Variants in KCNJ6 observed in about 807,000 individuals in gnomAD.
KCNJ6 encodes G protein-activated inward rectifier potassium channel 2.
KCNJ6 carries 9 observed loss-of-function variants against 34.2 expected under a neutral mutation model. That is an observed-to-expected ratio of 0.26 (90% CI 0.16 to 0.46). The LOEUF is 0.46. Among genes scored for constraint, KCNJ6 ranks in the 20% least tolerant of loss-of-function variants. The pLI is 1.00. For missense variants in KCNJ6, 236 were observed against 531.3 expected (o/e 0.44, Z 5.46); for synonymous variants, 196 against 207.1 (o/e 0.95, Z 0.46).
chr21:37,688,781 G>C lies in KCNJ6; in HGVS notation c.946+25430C>G, dbSNP rs762293195. On this transcript the variant is annotated intron_variant, in intron 3 of 3. Coordinates refer to ENST00000609713, the MANE Select transcript of KCNJ6 (RefSeq NM_002240.5). Reference sequence around the variant, plus strand: ...GATGGTTGGTTGGAACCCAGACTTAGGTGCCTAGTAAGTATTAATATTTTT... The same window carrying C: ...GATGGTTGGTTGGAACCCAGACTTACGTGCCTAGTAAGTATTAATATTTTT... Among the ~76,000 whole-genome samples, 147 of 152,230 alleles carry C rather than the reference G, an allele frequency of 9.7e-4. 1 individual carries two copies. Among genetic ancestry groups the C allele is most frequent in the Non-Finnish European group, 1.7e-3 (114 of 68,000 alleles).
At chr21:37,851,637 TGAG>T (rs2055537707) in intron 1 of KCNJ6, among the ~76,000 whole-genome samples, 1 of 152,158 alleles carries the variant, frequency 6.6e-6, no homozygotes, top group Non-Finnish European at 1.5e-5. Flanking sequence ...AGAAGGAAAA[TGAG>T]GAACACCGTC....
In KCNJ6 at chr21:37,735,559, G is replaced by A. The variant is rs556112628; in HGVS notation, c.26-20428C>T. On this transcript the variant is annotated intron_variant, in intron 2 of 3. Coordinates refer to ENST00000609713, the MANE Select transcript of KCNJ6 (RefSeq NM_002240.5). ...ATGACTTGGCAACTAGGGAGGTCGGGGCCAGGGCCAGTGTAGTATCCACAT... is the reference window on the plus strand; with the variant it reads ...ATGACTTGGCAACTAGGGAGGTCGGAGCCAGGGCCAGTGTAGTATCCACAT... Among the ~76,000 whole-genome samples, 4 of 152,308 alleles carry A rather than the reference G, an allele frequency of 2.6e-5. No individual in the cohort carries two copies. In the South Asian group the frequency reaches 8.3e-4, roughly 32 times the overall value.
At chr21:37,817,010 A>G (rs1472002913) in intron 2 of KCNJ6, among the ~76,000 whole-genome samples, 8 of 152,162 alleles carry the variant, frequency 5.3e-5, no homozygotes, top group Admixed American at 3.3e-4. Flanking sequence ...GCCTGAATGC[A>G]TGAGTTCAAA....
intron 3 of KCNJ6, among the ~76,000 whole-genome samples, chr21:37,662,428 A>G (rs1236859040): frequency 6.6e-6 from 1 of 152,226 alleles, no homozygotes; most frequent in African/African-American, 2.4e-5. Context: ...ATGTCCCTGC[A>G]AAGGACATGA....
chr21:37,719,163 C>T (rs1421564611), intron 2 of KCNJ6, among the ~76,000 whole-genome samples: 1 of 152,072 alleles, frequency 6.6e-6, no homozygotes, highest in African/African-American at 2.4e-5. Context: ...AAAGAGGGGC[C>T]AGAGCCTCAG....
chr21:37,668,873 T>A (rs1266084515), intron 3 of KCNJ6, among the ~76,000 whole-genome samples: 1 of 152,256 alleles, frequency 6.6e-6, no homozygotes, highest in African/African-American at 2.4e-5. Context: ...GTTTCTTTGC[T>A]ATACTTTGAA....
At position 37,680,686 on chromosome 21, in the gene KCNJ6, TTTGGAC is replaced by T. The variant is rs538837306; in HGVS notation, c.946+33519_946+33524del. Among the ~76,000 whole-genome samples the T allele has an allele frequency of 7.2e-5, 11 of 152,276 alleles. No individual in the cohort carries two copies. The East Asian group carries it at 7.7e-4, about 11-fold the overall frequency. ...GCTGGGACACTGGTCTTCTCTTCCT[TTTGGAC>T]TTGGACTTGGACTAGGACTACATCA... On this transcript the variant is annotated intron_variant, in intron 3 of 3. Transcript: ENST00000609713.
chr21:37,646,952 C>A (rs1601401837), intron 3 of KCNJ6, among the ~76,000 whole-genome samples: 1 of 152,150 alleles, frequency 6.6e-6, no homozygotes, highest in East Asian at 1.9e-4. Flanking sequence ...GGATTACAGG[C>A]CTGAGCCACC....
At chr21:37,659,165 C>T (rs374428557) in intron 3 of KCNJ6, among the ~76,000 whole-genome samples, 1 of 152,224 alleles carries the variant, frequency 6.6e-6, no homozygotes, top group South Asian at 2.1e-4. Context: ...AAGAGTTCCA[C>T]GCAGTCCCTG....
intron 3 of KCNJ6, among the ~76,000 whole-genome samples, chr21:37,694,835 C>A (rs2054657104): frequency 6.6e-6 from 1 of 152,032 alleles, no homozygotes; most frequent in Non-Finnish European, 1.5e-5. Context: ...TCCAGTAGTT[C>A]CAGAAGAGAC....
chr21:37,882,825 T>C (rs2055716174), intron 1 of KCNJ6, among the ~76,000 whole-genome samples: 1 of 152,230 alleles, frequency 6.6e-6, no homozygotes, highest in African/African-American at 2.4e-5. Flanking sequence ...ACTGCCTTCA[T>C]GCATGGAATG....
At chr21:37,914,008 GGTGTGTGTGTGT>G (rs371432862) in intron 1 of KCNJ6, among the ~76,000 whole-genome samples, 39 of 135,584 alleles carry the variant, frequency 2.9e-4, no homozygotes, top group South Asian at 7.8e-4. Context: ...GGCGGATCGG[GGTGTGTGTGTGT>G]GTGTGTGTGT....
chr21:37,666,482 G>A (rs1000800906), intron 3 of KCNJ6, among the ~76,000 whole-genome samples: 2 of 152,154 alleles, frequency 1.3e-5, no homozygotes, highest in African/African-American at 4.8e-5. Context: ...TTCCCAATCT[G>A]TAAAATGGGG....
chr21:37,845,347 T>C (rs1306941555), intron 1 of KCNJ6, among the ~76,000 whole-genome samples: 3 of 152,240 alleles, frequency 2.0e-5, no homozygotes, highest in Admixed American at 6.5e-5. Flanking sequence ...TTTTTTGTTC[T>C]TGCTTATTGT....
intron 2 of KCNJ6, among the ~76,000 whole-genome samples, chr21:37,795,154 A>C (rs1316900060): frequency 6.6e-6 from 1 of 152,248 alleles, no homozygotes; most frequent in Non-Finnish European, 1.5e-5. Context: ...TACTTAGCCT[A>C]AACTAAAGAA....
intron 2 of KCNJ6, among the ~76,000 whole-genome samples, chr21:37,805,510 G>C (rs2055289430): frequency 6.6e-6 from 1 of 151,966 alleles, no homozygotes; most frequent in Admixed American, 6.6e-5. Context: ...TTTGCATCCT[G>C]AATTTTATTT....
intron 2 of KCNJ6, among the ~76,000 whole-genome samples, chr21:37,817,280 G>A (rs2055351248): frequency 6.6e-6 from 1 of 152,180 alleles, no homozygotes; most frequent in South Asian, 2.1e-4. Context: ...TCCTAGCTGG[G>A]TGCTCTTGAA....
chr21:37,826,989 C>T (rs547775665), intron 2 of KCNJ6, among the ~76,000 whole-genome samples: 2 of 152,080 alleles, frequency 1.3e-5, no homozygotes, highest in African/African-American at 4.8e-5. Flanking sequence ...GGGGACTCAG[C>T]GACTCTCAGG....
At chr21:37,834,582 C>T (rs2055442676) in intron 2 of KCNJ6, among the ~76,000 whole-genome samples, 1 of 152,244 alleles carries the variant, frequency 6.6e-6, no homozygotes, top group African/African-American at 2.4e-5. Flanking sequence ...TGTGCCTTAA[C>T]ACAATGCCAG....
Sources: gnomAD v4.1 joint callset for allele counts (sites outside exome capture counted in the v4.1 genomes callset) on GRCh38, gnomAD v4.1.1 for gene constraint, MANE v1.5 for transcripts, NCBI Gene and HGNC (gene_info 2026-07-23, HGNC 2026-07-21) for gene names.